ENOX1: variants seen among roughly 807,000 people sequenced by gnomAD.
ENOX1 encodes candidate growth-related and time keeping constitutive hydroquinone (NADH) oxidase.
ENOX1 carries 42 observed loss-of-function variants against 82.5 expected under a neutral mutation model. The observed-to-expected ratio is 0.51, with a 90% CI of 0.40 to 0.66. The LOEUF (loss-of-function observed/expected upper bound fraction) is 0.66, where lower values mean the gene tolerates loss of function less well. Ranked by LOEUF, ENOX1 falls within the 30% of genes least tolerant of loss-of-function variation. The pLI, the probability that ENOX1 is intolerant of heterozygous loss-of-function variation, is 0.00. For missense variants in ENOX1, 608 were observed against 811.6 expected, an observed-to-expected ratio of 0.75 and a Z score of 3.05; for synonymous variants, 271 against 282.2, an observed-to-expected ratio of 0.96 and a Z score of 0.40.
chr13:43,387,434 T>C (rs752059392), intron 5 of ENOX1, among the ~76,000 whole-genome samples: 16 of 152,100 alleles, frequency 1.1e-4, no homozygotes, highest in Non-Finnish European at 2.2e-4. Flanking sequence ...ACCTAGCATG[T>C]TTCAGAAGTA....
intron 2 of ENOX1, among the ~76,000 whole-genome samples, chr13:43,627,407 A>T (rs1200526149): frequency 6.6e-6 from 1 of 151,930 alleles, no homozygotes; most frequent in East Asian, 1.9e-4. Flanking sequence ...AGTGTTTTAA[A>T]TGTATTTCTT....
chr13:43,547,414 T>C (rs879508631), intron 2 of ENOX1: 21 of 152,220 alleles, frequency 1.4e-4, no homozygotes, highest in Admixed American at 1.4e-3. Flanking sequence ...TACTTCCAGA[T>C]AAATGACAAG....
At chr13:43,636,152 C>A (rs1165885639) in intron 2 of ENOX1, among the ~76,000 whole-genome samples, 2 of 152,140 alleles carry the variant, frequency 1.3e-5, no homozygotes, top group African/African-American at 4.8e-5. Flanking sequence ...TAAGAGACAA[C>A]AAGTGGGCAG....
intron 10 of ENOX1, 35 bp downstream of exon 10, chr13:43,326,384 G>T: frequency 1.3e-6 from 2 of 1,566,554 alleles, no homozygotes; most frequent in South Asian, 1.1e-5. Context: ...CCAGCTGTGT[G>T]ATGGTGGTTA....
intron 1 of ENOX1, among the ~76,000 whole-genome samples, chr13:43,780,983 T>A (rs971760840): frequency 7.9e-5 from 12 of 152,218 alleles, no homozygotes; most frequent in Non-Finnish European, 1.6e-4. Context: ...CTAAACAAAG[T>A]ATTCCTTTGG....
rs1252937284 is a variant in ENOX1 at position 43,634,143 on chromosome 13, T to C, written c.-219+33336A>G. On this transcript the variant is annotated intron_variant, in intron 2 of 16. Transcript: ENST00000690772. The stretch of plus-strand genomic sequence containing the variant: ...CCTGCTGGCAAAACCCCTTGGGTGG[T>C]AGCTTCTGAATCTCTTTCTGGGTTC... 3.9e-5 allele frequency among the ~76,000 whole-genome samples: 6 copies of C among 152,176 alleles called. No individual in the cohort carries two copies. The South Asian group carries it at 1.0e-3, about 26-fold the overall frequency.
Position 43,345,643 on chromosome 13 carries a change from A to C in ENOX1, c.824-893T>G, listed in dbSNP as rs924972363. Among the ~76,000 whole-genome samples, 3 of 152,206 alleles carry C rather than the reference A, an allele frequency of 2.0e-5. No individual in the cohort carries two copies. In the East Asian group the frequency reaches 5.8e-4, roughly 29 times the overall value. On this transcript the variant is annotated intron_variant, in intron 8 of 16. Coordinates refer to ENST00000690772, the MANE Select transcript of ENOX1 (RefSeq NM_001347969.2). The stretch of plus-strand genomic sequence containing the variant: ...GGGTGATTAAGTTAATTAGAACTGG[A>C]AGTTGTATGTCAGTTGTTAGAACAT...
chr13:43,384,680 G>A lies in ENOX1; in HGVS notation c.209-23228C>T, dbSNP rs1480820452. Among the ~76,000 whole-genome samples, 3 of 152,304 alleles carry A rather than the reference G, an allele frequency of 2.0e-5. No homozygotes were observed. The East Asian group carries it at 5.8e-4, about 29-fold the overall frequency. On this transcript the variant is annotated intron_variant, in intron 5 of 16. Transcript: ENST00000690772. ...GTGTGTTCTGAGCAAAGGCATTCAGGAGAAAACAAACCTGTCAGGAGGCAG... is the reference window on the plus strand; with the variant it reads ...GTGTGTTCTGAGCAAAGGCATTCAGAAGAAAACAAACCTGTCAGGAGGCAG...
chr13:43,786,445 C>CGGCGGGGAAG lies in ENOX1; in HGVS notation c.-285+197_-285+206dup, dbSNP rs1364615431. Among the ~76,000 whole-genome samples, 1 of 149,838 alleles carries CGGCGGGGAAG rather than the reference C, an allele frequency of 6.7e-6. No homozygotes were observed. The highest frequency in any genetic ancestry group is 6.6e-5 in the Admixed American group (1 of 15,044). ...AAGTGAGGGAGCTTGAGACGGGGCA[C>CGGCGGGGAAG]GGCGGGGAAGGGCGTGGGGGCTGCA... is the stretch of plus-strand genomic sequence containing the variant. On this transcript the variant is annotated intron_variant, in intron 1 of 16. Transcript: ENST00000690772. This position sits in a 1 kb window ranked among gnomAD's most constrained non-coding sequence, Gnocchi z 6.0.
chr13:43,316,953 A>G (rs1460116174), intron 11 of ENOX1, among the ~76,000 whole-genome samples: 1 of 152,204 alleles, frequency 6.6e-6, no homozygotes, highest in African/African-American at 2.4e-5. Flanking sequence ...GGGTTCCCAG[A>G]AGAGAAAATG....
chr13:43,315,291 C>T (rs1006776094), intron 11 of ENOX1, among the ~76,000 whole-genome samples: 1 of 152,184 alleles, frequency 6.6e-6, no homozygotes, highest in Admixed American at 6.6e-5. Context: ...AATGAGGTGA[C>T]CTACTGAAAG....
intron 1 of ENOX1, among the ~76,000 whole-genome samples, chr13:43,755,773 G>A (rs2153833195): frequency 6.6e-6 from 1 of 152,224 alleles, no homozygotes; most frequent in East Asian, 1.9e-4. Context: ...TAGGTAAAAT[G>A]GCAAGAATAC....
intron 1 of ENOX1, among the ~76,000 whole-genome samples, chr13:43,722,014 A>G (rs962023145): frequency 8.5e-5 from 13 of 152,280 alleles, no homozygotes; most frequent in African/African-American, 2.6e-4. Flanking sequence ...TCTCAGGGCC[A>G]CCTTTGAACA....
chr13:43,757,122 T>C (rs1179495272), intron 1 of ENOX1, among the ~76,000 whole-genome samples: 1 of 152,168 alleles, frequency 6.6e-6, no homozygotes, highest in Admixed American at 6.5e-5. Context: ...TTAATGTGTG[T>C]TATGAAAGAT....
At chr13:43,488,252 G>A (rs957824620) in intron 2 of ENOX1, among the ~76,000 whole-genome samples, 3 of 152,174 alleles carry the variant, frequency 2.0e-5, no homozygotes, top group Non-Finnish European at 4.4e-5. Flanking sequence ...CCTCCCTCAT[G>A]AATGTGATCA....
At chr13:43,564,484 G>A (rs1247541519) in intron 2 of ENOX1, among the ~76,000 whole-genome samples, 2 of 152,012 alleles carry the variant, frequency 1.3e-5, no homozygotes, top group Non-Finnish European at 2.9e-5. Flanking sequence ...AATTTGAGGA[G>A]GAGGCCTAAA....
At chr13:43,691,716 T>C (rs9533591) in intron 1 of ENOX1, among the ~76,000 whole-genome samples, 9,235 of 150,930 alleles carry the variant, frequency 0.061, 394 homozygotes, top group Non-Finnish European at 0.094. Context: ...TTTTTTTTTT[T>C]CCGAGACAGA....
chr13:43,700,681 T>G (rs1460719861), intron 1 of ENOX1, among the ~76,000 whole-genome samples: 1 of 152,108 alleles, frequency 6.6e-6, no homozygotes, highest in Non-Finnish European at 1.5e-5. Context: ...CAAACGCCCT[T>G]TAAATCAAAA....
intron 9 of ENOX1, among the ~76,000 whole-genome samples, chr13:43,335,715 A>G (rs2048661799): frequency 6.6e-6 from 1 of 151,538 alleles, no homozygotes; most frequent in Non-Finnish European, 1.5e-5. Context: ...TTAAAAAAAC[A>G]TAATGATTTG....
Sources: allele counts gnomAD v4.1 joint callset (sites outside exome capture counted in the v4.1 genomes callset), GRCh38; gene constraint gnomAD v4.1.1; non-coding constraint Gnocchi (gnomAD v3.1); transcripts MANE v1.5; gene names NCBI Gene and HGNC (gene_info 2026-07-23, HGNC 2026-07-21).